The following TCF4 variants were observed in gnomAD, a reference collection of about 807,000 sequenced individuals.
The protein encoded by TCF4 is SL3-3 enhancer factor 2.
TCF4 carries 3 observed loss-of-function variants against 82.1 expected under a neutral mutation model. That is an observed-to-expected ratio of 0.04 (90% CI 0.02 to 0.09). The LOEUF is 0.09. TCF4 is among the 10% of genes least tolerant of loss of function. The pLI is 1.00. For missense variants in TCF4, 518 were observed against 852.7 expected (o/e 0.61, Z 4.89); for synonymous variants, 276 against 309.6 (o/e 0.89, Z 1.14).
chr18:55,228,714 C>A, intron 18 of TCF4, 133 bp downstream of exon 18: 1 of 945,428 alleles, frequency 1.1e-6, no homozygotes, highest in Admixed American at 2.0e-5. Flanking sequence ...ACACAGTCTG[C>A]AATGGAAACA....
At chr18:55,255,039 T>C (rs2056431084) in intron 14 of TCF4, among the ~76,000 whole-genome samples, 1 of 152,220 alleles carries the variant, frequency 6.6e-6, no homozygotes, top group Admixed American at 6.5e-5. Flanking sequence ...TAAGGAACTT[T>C]CTGGCAGGTA....
rs183324155 is a variant in TCF4 at position 55,277,783 on chromosome 18, G to A, written c.655+1768C>T. Among the ~76,000 whole-genome samples, 458 of 152,156 alleles carry A rather than the reference G, an allele frequency of 3.0e-3. 4 individuals carry two copies. Among genetic ancestry groups the A allele is most frequent in the African/African-American group, 9.0e-3 (374 of 41,500 alleles). On this transcript the variant is annotated intron_variant, in intron 9 of 19. Coordinates refer to ENST00000354452, the MANE Select transcript of TCF4 (RefSeq NM_001083962.2). ...GCAGATAGAAAAAATATATCCTTCC[G>A]TCAATGTTTTCAATCGAAATCTGTT...
intron 5 of TCF4, among the ~76,000 whole-genome samples, chr18:55,417,996 T>C (rs1414913790): frequency 7.1e-6 from 1 of 141,772 alleles, no homozygotes; most frequent in African/African-American, 2.8e-5. Context: ...ATGATTTTCT[T>C]GAGCAAATGT....
intron 3 of TCF4, among the ~76,000 whole-genome samples, chr18:55,466,776 G>C (rs2096032936): frequency 6.6e-6 from 1 of 152,190 alleles, no homozygotes; most frequent in Admixed American, 6.5e-5. Context: ...TTAGCAGGCA[G>C]ATAAAACACA....
chr18:55,460,773 C>G (rs2095855603), intron 5 of TCF4, among the ~76,000 whole-genome samples: 2 of 152,146 alleles, frequency 1.3e-5, no homozygotes, highest in African/African-American at 4.8e-5. Flanking sequence ...CTAAGGAAAA[C>G]AAAATTTCCA....
intron 3 of TCF4, among the ~76,000 whole-genome samples, chr18:55,542,657 A>AAC (rs967105338): frequency 1.3e-5 from 2 of 151,988 alleles, no homozygotes; most frequent in African/African-American, 4.8e-5. Context: ...AACAATAGCC[A>AAC]ACACACACAC....
At chr18:55,374,225 T>C (rs967966649) in intron 6 of TCF4, among the ~76,000 whole-genome samples, 3 of 151,184 alleles carry the variant, frequency 2.0e-5, no homozygotes, top group African/African-American at 4.9e-5. Flanking sequence ...GAACAAAACA[T>C]ACAATATAAA....
intron 8 of TCF4, among the ~76,000 whole-genome samples, chr18:55,335,049 C>T (rs2078348082): frequency 6.6e-6 from 1 of 152,204 alleles, no homozygotes; most frequent in Admixed American, 6.5e-5. Flanking sequence ...CTCTGTGACG[C>T]TCTTGCTGAA....
intron 3 of TCF4, among the ~76,000 whole-genome samples, chr18:55,465,365 TAAGA>T (rs1388801072): frequency 1.3e-5 from 2 of 152,184 alleles, no homozygotes; most frequent in Non-Finnish European, 2.9e-5. Flanking sequence ...CAGAATATCT[TAAGA>T]GATAGAAAAG....
At chr18:55,301,812 A>AAAAG (rs1555848542) in intron 8 of TCF4, among the ~76,000 whole-genome samples, 3 of 101,020 alleles carry the variant, frequency 3.0e-5, no homozygotes, top group African/African-American at 7.7e-5. Context: ...AAAAAAAAAA[A>AAAAG]GTGGGGGGGG....
chr18:55,355,677 T>C (rs560048861), intron 6 of TCF4, among the ~76,000 whole-genome samples: 1 of 152,198 alleles, frequency 6.6e-6, no homozygotes, highest in African/African-American at 2.4e-5. Flanking sequence ...TTATAATTTA[T>C]TTTTATTTCT....
At chr18:55,571,154 C>G (rs923039446) in intron 3 of TCF4, among the ~76,000 whole-genome samples, 4 of 151,774 alleles carry the variant, frequency 2.6e-5, no homozygotes, top group African/African-American at 9.7e-5. Flanking sequence ...GTTTGTAGTT[C>G]CAAAAAAGAG....
intron 11 of TCF4, chr18:55,269,541 A>G: frequency 2.4e-6 from 1 of 422,438 alleles, no homozygotes; most frequent in Non-Finnish European, 4.5e-6. Flanking sequence ...GACTTTGTTC[A>G]CTCTTTTTGA....
chr18:55,481,310 C>T (rs2096427149), intron 3 of TCF4, among the ~76,000 whole-genome samples: 2 of 152,108 alleles, frequency 1.3e-5, no homozygotes, highest in Admixed American at 1.3e-4. Flanking sequence ...CCAATAACGG[C>T]TTTTATTCTT....
chr18:55,349,909 C>A lies in TCF4; in HGVS notation c.549+450G>T, dbSNP rs142542508. ...ACCTTTGCAGCCTTTATTCAGCAAC[C>A]TCTCCAGAAAATAGAGACATTCTTC... On this transcript the variant is annotated intron_variant, in intron 8 of 19. Coordinates refer to ENST00000354452, the MANE Select transcript of TCF4 (RefSeq NM_001083962.2). Among the ~76,000 whole-genome samples the A allele has an allele frequency of 6.4e-4, 98 of 152,264 alleles. 1 individual carries two copies. In the East Asian group the frequency reaches 0.015, roughly 24 times the overall value.
At chr18:55,448,487 C>G (rs184511698) in intron 5 of TCF4, among the ~76,000 whole-genome samples, 6 of 152,328 alleles carry the variant, frequency 3.9e-5, no homozygotes, top group African/African-American at 1.4e-4. Flanking sequence ...GGCTAAATGG[C>G]CTAGCAAATG....
chr18:55,564,102 A>G (rs1450397020), intron 3 of TCF4, among the ~76,000 whole-genome samples: 1 of 152,238 alleles, frequency 6.6e-6, no homozygotes, highest in African/African-American at 2.4e-5. Context: ...GGCATTTCAG[A>G]TGAGCTCTGA....
At chr18:55,431,944 GAA>G (rs1450897914) in intron 5 of TCF4, among the ~76,000 whole-genome samples, 1 of 152,184 alleles carries the variant, frequency 6.6e-6, no homozygotes, top group African/African-American at 2.4e-5. Flanking sequence ...GGATATCTCT[GAA>G]AGTCAACACT....
At chr18:55,383,405 T>A (rs1401086967) in intron 6 of TCF4, among the ~76,000 whole-genome samples, 1 of 152,184 alleles carries the variant, frequency 6.6e-6, no homozygotes, top group Non-Finnish European at 1.5e-5. Context: ...TTCCTCCTGA[T>A]AAACCTAGGA....
Sources: gnomAD v4.1 joint callset for allele counts (sites outside exome capture counted in the v4.1 genomes callset) on GRCh38, gnomAD v4.1.1 for gene constraint, MANE v1.5 for transcripts, NCBI Gene and HGNC (gene_info 2026-07-23, HGNC 2026-07-21) for gene names.